FOXP2: variants seen among roughly 807,000 people sequenced by gnomAD.
The protein encoded by FOXP2 is forkhead box P2.
In FOXP2, 12 loss-of-function variants were observed where a neutral mutation model predicts 115.8. The ratio of observed to expected loss-of-function variants is 0.10; its 90% CI spans 0.07 to 0.17. The LOEUF is 0.17. Among genes scored for constraint, FOXP2 ranks in the 10% least tolerant of loss-of-function variants. The pLI is 1.00. For missense variants in FOXP2, 629 were observed against 843.5 expected (o/e 0.75, Z 3.15); for synonymous variants, 328 against 297.7 (o/e 1.10, Z -1.05).
chr7:114,562,709 C>A (rs76510394), intron 3 of FOXP2, among the ~76,000 whole-genome samples: 2 of 152,080 alleles, frequency 1.3e-5, no homozygotes, highest in African/African-American at 4.8e-5. Flanking sequence ...AAAACAAAAA[C>A]CAATTAAACA....
chr7:114,186,439 C>G (rs1344525296), intron 1 of FOXP2, among the ~76,000 whole-genome samples: 1 of 152,170 alleles, frequency 6.6e-6, no homozygotes, highest in African/African-American at 2.4e-5. Context: ...ACAGAGCAAA[C>G]AGCATTAAAT....
intron 3 of FOXP2, among the ~76,000 whole-genome samples, chr7:114,627,677 T>C (rs897276087): frequency 6.6e-6 from 1 of 152,084 alleles, no homozygotes; most frequent in African/African-American, 2.4e-5. Flanking sequence ...TTCCCTATCT[T>C]CTTTTTGCCT....
intron 1 of FOXP2, among the ~76,000 whole-genome samples, chr7:114,199,769 C>T (rs1794013516): frequency 6.6e-6 from 1 of 152,092 alleles, no homozygotes. Context: ...AAAAGTTTTA[C>T]ATGTGTAGAT....
intron 2 of FOXP2, among the ~76,000 whole-genome samples, chr7:114,445,677 T>TA (rs1794802127): frequency 1.3e-5 from 2 of 152,156 alleles, no homozygotes; most frequent in African/African-American, 4.8e-5. Context: ...AGCCCCATTT[T>TA]AATAATGTGA....
chr7:114,257,144 A>G (rs1795636160), intron 1 of FOXP2, among the ~76,000 whole-genome samples: 1 of 152,206 alleles, frequency 6.6e-6, no homozygotes, highest in East Asian at 1.9e-4. Flanking sequence ...AAGACAGCAC[A>G]TCTACAACCA....
chr7:114,170,418 C>A (rs918104076), intron 1 of FOXP2, among the ~76,000 whole-genome samples: 20 of 152,142 alleles, frequency 1.3e-4, no homozygotes, highest in African/African-American at 4.8e-4. Context: ...AAGGAAGGGT[C>A]ACATATCACT....
At chr7:114,175,986 G>T (rs545071386) in intron 1 of FOXP2, among the ~76,000 whole-genome samples, 2 of 152,122 alleles carry the variant, frequency 1.3e-5, no homozygotes, top group East Asian at 3.9e-4. Context: ...TTCTGATCTT[G>T]TACCTTTTTC....
chr7:114,094,388 A>G (rs1285356495), intron 1 of FOXP2, among the ~76,000 whole-genome samples: 1 of 152,204 alleles, frequency 6.6e-6, no homozygotes, highest in Non-Finnish European at 1.5e-5. Flanking sequence ...CTTTGTTCAT[A>G]TTTAAAATTG....
At chr7:114,220,224 CT>C (rs1358128192) in intron 1 of FOXP2, among the ~76,000 whole-genome samples, 1 of 151,650 alleles carries the variant, frequency 6.6e-6, no homozygotes, top group African/African-American at 2.4e-5. Flanking sequence ...GTAGTTGTTT[CT>C]TTTTTTCTCC....
intron 1 of FOXP2, among the ~76,000 whole-genome samples, chr7:114,146,421 T>C (rs763771894): frequency 2.6e-5 from 4 of 152,312 alleles, no homozygotes; most frequent in African/African-American, 9.6e-5. Context: ...TGCACATAGA[T>C]TCAATGAATG....
chr7:114,181,604 A>G (rs1330474129), intron 1 of FOXP2, among the ~76,000 whole-genome samples: 3 of 152,034 alleles, frequency 2.0e-5, no homozygotes, highest in Admixed American at 2.0e-4. Flanking sequence ...CTGAAACAGA[A>G]AAGTTAAGTA....
At chr7:114,569,105 G>A (rs1322906353) in intron 3 of FOXP2, among the ~76,000 whole-genome samples, 2 of 151,880 alleles carry the variant, frequency 1.3e-5, no homozygotes, top group Admixed American at 1.3e-4. Context: ...GCGTCTATCT[G>A]TGGGCTTTAT....
At chr7:114,315,246 T>C (rs372857594) in intron 2 of FOXP2, among the ~76,000 whole-genome samples, 6 of 152,178 alleles carry the variant, frequency 3.9e-5, no homozygotes, top group East Asian at 1.9e-4. Flanking sequence ...AAGAAAATGA[T>C]TTAGGCATTG....
At chr7:114,341,021 T>C (rs576293958) in intron 2 of FOXP2, among the ~76,000 whole-genome samples, 1 of 151,458 alleles carries the variant, frequency 6.6e-6, no homozygotes, top group South Asian at 2.1e-4. Context: ...TTCTGATGAC[T>C]GAGAAAATAA....
intron 16 of FOXP2, among the ~76,000 whole-genome samples, chr7:114,674,787 A>C (rs1181842116): frequency 1.3e-5 from 2 of 152,138 alleles, no homozygotes; most frequent in African/African-American, 4.8e-5. Context: ...AGAATGTAAA[A>C]ATCTAAATTT....
At chr7:114,552,664 G>A (rs189435944) in intron 3 of FOXP2, among the ~76,000 whole-genome samples, 133 of 152,116 alleles carry the variant, frequency 8.7e-4, no homozygotes, top group African/African-American at 2.8e-3. Flanking sequence ...TTTGTTGTTG[G>A]ATATAATACA....
chr7:114,548,581 C>A (rs1488507631), intron 3 of FOXP2, among the ~76,000 whole-genome samples: 1 of 151,988 alleles, frequency 6.6e-6, no homozygotes, highest in African/African-American at 2.4e-5. Context: ...ATATGCAAAC[C>A]TGTGTATTAA....
In FOXP2 at chr7:114,577,752, T is replaced by C. The variant is rs1221354302; in HGVS notation, c.258+43046T>C. Among the ~76,000 whole-genome samples the C allele has an allele frequency of 3.9e-5, 6 of 152,064 alleles. No homozygotes were observed. In the South Asian group the frequency reaches 1.0e-3, roughly 26 times the overall value. ...GTTATACTTCAGACTACATATGTTA[T>C]ATATTTAATATTTTATGAGTAATGC... On this transcript the variant is annotated intron_variant, in intron 3 of 16. Coordinates refer to ENST00000350908, the MANE Select transcript of FOXP2 (RefSeq NM_014491.4).
intron 1 of FOXP2, among the ~76,000 whole-genome samples, chr7:114,269,588 G>A (rs1325603830): frequency 6.6e-6 from 1 of 152,004 alleles, no homozygotes; most frequent in African/African-American, 2.4e-5. Context: ...ACTGTGCCTG[G>A]CCAGCAGTTT....
Sources: allele counts gnomAD v4.1 joint callset (sites outside exome capture counted in the v4.1 genomes callset), GRCh38; gene constraint gnomAD v4.1.1; transcripts MANE v1.5; gene names NCBI Gene and HGNC (gene_info 2026-07-23, HGNC 2026-07-21).